Variants in CSNK2A2 observed in about 807,000 individuals in gnomAD.
The protein encoded by CSNK2A2 is casein kinase II subunit alpha'.
Under a neutral mutation model 54.0 loss-of-function variants are expected in CSNK2A2, and 8 were observed. That is an observed-to-expected ratio of 0.15 (90% confidence interval 0.09 to 0.27). The LOEUF is 0.27. CSNK2A2 is among the 10% of genes least tolerant of loss of function. The pLI, the probability that CSNK2A2 is intolerant of heterozygous loss-of-function variation, is 1.00. For synonymous variants in CSNK2A2, 141 were observed against 153.9 expected, an observed-to-expected ratio of 0.92 and a Z score of 0.62; for missense variants, 242 against 439.4, an observed-to-expected ratio of 0.55 and a Z score of 4.02.
chr16:58,180,301 T>C (rs1454882362), intron 4 of CSNK2A2, among the ~76,000 whole-genome samples: 1 of 150,564 alleles, frequency 6.6e-6, no homozygotes, highest in Non-Finnish European at 1.5e-5. Context: ...GCACGACTGA[T>C]TTAAAAAGGA....
chr16:58,197,736 T>TGGCGGGCGGGACCGGGG lies in CSNK2A2; in HGVS notation c.-17_-1dup. 1 of 1,397,180 alleles carries TGGCGGGCGGGACCGGGG rather than the reference T, an allele frequency of 7.2e-7. No individual in the cohort carries two copies. The highest frequency in any genetic ancestry group is 9.4e-7 in the Non-Finnish European group (1 of 1,063,854). 86.5% of individuals were successfully genotyped at this position (1,397,180 alleles called of 1,614,324 possible). On this transcript the variant is annotated 5_prime_UTR_variant, in exon 1 of 12. Coordinates refer to ENST00000262506, the MANE Select transcript of CSNK2A2 (RefSeq NM_001896.4). This position sits in a 1 kb window ranked among gnomAD's most constrained non-coding sequence, Gnocchi z 4.0. ...CTGCTGCCCGCGGCCGGGCCGGGCA[T>TGGCGGGCGGGACCGGGG]GGCGGGCGGGACCGGGGGGCGGCGC...
intron 5 of CSNK2A2, among the ~76,000 whole-genome samples, chr16:58,171,958 C>CATATATATATAT (rs71155247): frequency 2.5e-3 from 79 of 31,318 alleles, no homozygotes; most frequent in South Asian, 5.5e-3. Flanking sequence ...CTGGAGCATG[C>CATATATATATAT]ATATATATAT....
intron 2 of CSNK2A2, among the ~76,000 whole-genome samples, chr16:58,189,059 C>G (rs1240756781): frequency 6.8e-6 from 1 of 146,662 alleles, no homozygotes; most frequent in African/African-American, 2.6e-5. Context: ...CAGGTTCAAA[C>G]AATTCTCCTG....
At position 58,179,146 on chromosome 16, in the gene CSNK2A2, C is replaced by T. The variant is rs1021633495; in HGVS notation, c.370-4636G>A. Among the ~76,000 whole-genome samples the T allele has an allele frequency of 2.6e-5, 4 of 152,144 alleles. No individual in the cohort carries two copies. In the South Asian group the frequency reaches 6.2e-4, roughly 24 times the overall value. ...TCAGTGCTAGCGTATTTACAAGTGA[C>T]GTATCATAATGATGTCTGCAACTTA... On this transcript the variant is annotated intron_variant, in intron 4 of 11. Coordinates refer to ENST00000262506, the MANE Select transcript of CSNK2A2 (RefSeq NM_001896.4).
intron 10 of CSNK2A2, among the ~76,000 whole-genome samples, chr16:58,164,773 T>C (rs550913458): frequency 1.3e-5 from 2 of 152,176 alleles, no homozygotes; most frequent in South Asian, 2.1e-4. Context: ...CCCTTATGCA[T>C]ATGGGCCACA....
intron 10 of CSNK2A2, among the ~76,000 whole-genome samples, chr16:58,164,949 C>T (rs771513609): frequency 5.3e-5 from 8 of 152,314 alleles, no homozygotes; most frequent in Non-Finnish European, 8.8e-5. Context: ...GTCTCTCAAC[C>T]TCCCTGCTCC....
intron 8 of CSNK2A2, 61 bp downstream of exon 8, chr16:58,167,146 A>G (rs1434755222): frequency 1.8e-6 from 2 of 1,120,760 alleles, no homozygotes; most frequent in Non-Finnish European, 2.6e-6. Context: ...TTCTTATCTA[A>G]GGATGCTATT....
At chr16:58,164,231 AAG>A in intron 10 of CSNK2A2, 84 bp from the exon 11 acceptor site, 1 of 1,294,418 alleles carries the variant, frequency 7.7e-7, no homozygotes, top group South Asian at 1.2e-5. Context: ...TTTCAACGGA[AAG>A]AGAGACAGAC....
chr16:58,173,429 T>A (rs1009757845), intron 5 of CSNK2A2, among the ~76,000 whole-genome samples: 5 of 152,214 alleles, frequency 3.3e-5, no homozygotes, highest in African/African-American at 4.8e-5. Flanking sequence ...AGGCAGTTCA[T>A]AGTTTTCATT....
intron 11 of CSNK2A2, 78 bp downstream of exon 11, chr16:58,163,976 T>G (rs1272103465): frequency 1.8e-6 from 2 of 1,141,720 alleles, no homozygotes; most frequent in African/African-American, 3.1e-5. Flanking sequence ...AAGAATTTCT[T>G]TTTATCACAC....
chr16:58,195,232 AAG>A (rs1030482384), intron 2 of CSNK2A2, among the ~76,000 whole-genome samples: 1 of 151,378 alleles, frequency 6.6e-6, no homozygotes, highest in Non-Finnish European at 1.5e-5. Flanking sequence ...ATATTTAGGG[AAG>A]AGAGGAGTCA....
intron 10 of CSNK2A2, 135 bp downstream of exon 10, chr16:58,165,425 G>A (rs1418426510): frequency 1.6e-5 from 15 of 931,264 alleles, no homozygotes; most frequent in South Asian, 2.8e-5. Context: ...AATCATCTAC[G>A]ATAAATGAGG....
intron 2 of CSNK2A2, among the ~76,000 whole-genome samples, chr16:58,194,272 A>G (rs1281224014): frequency 6.6e-6 from 1 of 152,230 alleles, no homozygotes; most frequent in South Asian, 2.1e-4. Flanking sequence ...CAAGCACCAC[A>G]ATAGTAGCTA....
chr16:58,185,439 G>A lies in CSNK2A2; in HGVS notation c.319-1129C>T, dbSNP rs147946534. Reference sequence around the variant, plus strand: ...TCAACTTACTTGTCTTACATATCATGTAAAACATACACATACTTTAACAAA... The same window carrying A: ...TCAACTTACTTGTCTTACATATCATATAAAACATACACATACTTTAACAAA... On this transcript the variant is annotated intron_variant, in intron 3 of 11. Coordinates refer to ENST00000262506, the MANE Select transcript of CSNK2A2 (RefSeq NM_001896.4). 3.3e-3 allele frequency among the ~76,000 whole-genome samples: 498 copies of A among 152,226 alleles called. 1 individual carries two copies. The highest frequency in any genetic ancestry group is 0.011 in the African/African-American group (476 of 41,532).
intron 2 of CSNK2A2, among the ~76,000 whole-genome samples, chr16:58,194,658 A>G (rs1249607428): frequency 6.6e-6 from 1 of 152,258 alleles, no homozygotes; most frequent in Non-Finnish European, 1.5e-5. Flanking sequence ...ATGAACAGTA[A>G]GAGATATGAA....
chr16:58,163,278 G>GAAAAAGC (rs1555505127), intron 11 of CSNK2A2: 1 of 106,136 alleles, frequency 9.4e-6, no homozygotes, highest in African/African-American at 3.6e-5. Flanking sequence ...AAAAAAAAAA[G>GAAAAAGC]AAAAAGCAAC....
intron 5 of CSNK2A2, 135 bp downstream of exon 5, chr16:58,174,316 A>G (rs527977852): frequency 8.0e-6 from 5 of 621,434 alleles, no homozygotes; most frequent in Non-Finnish European, 1.3e-5. Flanking sequence ...TGGAGGCCTC[A>G]ATATAAGTTT....
chr16:58,167,071 A>C, intron 8 of CSNK2A2, 136 bp downstream of exon 8: 2 of 572,134 alleles, frequency 3.5e-6, no homozygotes. Flanking sequence ...ATTCTGTGCG[A>C]TCTTTATCTT....
chr16:58,188,326 T>C (rs1393471873), intron 2 of CSNK2A2, among the ~76,000 whole-genome samples: 1 of 152,186 alleles, frequency 6.6e-6, no homozygotes, highest in Non-Finnish European at 1.5e-5. Flanking sequence ...CGACTCCACT[T>C]AGAAACCTTA....
Sources: gnomAD v4.1 joint callset for allele counts (sites outside exome capture counted in the v4.1 genomes callset) on GRCh38, gnomAD v4.1.1 for gene constraint, Gnocchi (gnomAD v3.1) non-coding constraint, MANE v1.5 for transcripts, NCBI Gene and HGNC (gene_info 2026-07-23, HGNC 2026-07-21) for gene names.